Variants in ERBB4 observed in about 807,000 individuals in gnomAD.
ERBB4 encodes the protein erb-b2 receptor tyrosine kinase 4.
Under a neutral mutation model 158.0 loss-of-function variants are expected in ERBB4, and 42 were observed. The observed-to-expected ratio is 0.27, with a 90% CI of 0.21 to 0.34. The LOEUF (loss-of-function observed/expected upper bound fraction) is 0.34. Ranked by LOEUF, ERBB4 falls within the 10% of genes least tolerant of loss-of-function variation. The probability of loss-of-function intolerance (pLI) is 1.00; values close to 1 mark genes in which losing one functional copy is unlikely to be tolerated. For missense variants in ERBB4, 1,333 were observed against 1,624.1 expected, an observed-to-expected ratio of 0.82 and a Z score of 3.08; for synonymous variants, 583 against 558.7, an observed-to-expected ratio of 1.04 and a Z score of -0.61.
At chr2:212,391,446 T>G (rs2090851293) in intron 1 of ERBB4, among the ~76,000 whole-genome samples, 1 of 150,852 alleles carries the variant, frequency 6.6e-6, no homozygotes, top group African/African-American at 2.4e-5. Context: ...AAATAAATTA[T>G]GTTCTCTCAT....
At chr2:212,090,088 C>A (rs1391016811) in intron 2 of ERBB4, among the ~76,000 whole-genome samples, 1 of 152,112 alleles carries the variant, frequency 6.6e-6, no homozygotes, top group African/African-American at 2.4e-5. Flanking sequence ...CTATCAGAAA[C>A]CTGCATGGAG....
intron 2 of ERBB4, among the ~76,000 whole-genome samples, chr2:212,096,153 T>C (rs1399827060): frequency 6.6e-6 from 1 of 152,038 alleles, no homozygotes; most frequent in Non-Finnish European, 1.5e-5. Flanking sequence ...AGAGTTGTGC[T>C]TCACAGAGAA....
intron 3 of ERBB4, among the ~76,000 whole-genome samples, chr2:211,883,959 T>A (rs1159922253): frequency 6.6e-6 from 1 of 152,206 alleles, no homozygotes; most frequent in Non-Finnish European, 1.5e-5. Flanking sequence ...GTGAGGCCAC[T>A]AATTCAAATT....
chr2:212,378,928 G>T (rs986120570), intron 1 of ERBB4, among the ~76,000 whole-genome samples: 2 of 151,616 alleles, frequency 1.3e-5, no homozygotes, highest in Non-Finnish European at 3.0e-5. Context: ...TTTAGGTGAG[G>T]TTCTAAAATA....
rs2072230473 is a variant in ERBB4, at chr2:211,679,081, G to T, written c.1593C>A (p.Ile531=). The part of the protein sequence containing the change: ...LSCRRFSRGR[I]CIESCNLYDG... ...CATAGAGGTTACAAGACTCTATGCA[G>T]ATCCTTCCTCTACTGAAGCGGCGAC... Residue 531 remains isoleucine (I), a synonymous_variant, in exon 13 of 28, where the codon ATC becomes ATA. Coordinates refer to ENST00000342788, the MANE Select transcript of ERBB4 (RefSeq NM_005235.3). 6.2e-7 allele frequency: 1 copy of T among 1,611,728 alleles called. No homozygotes were observed. The highest frequency in any genetic ancestry group is 8.5e-7 in the Non-Finnish European group (1 of 1,178,876).
intron 1 of ERBB4, among the ~76,000 whole-genome samples, chr2:212,191,949 TTA>T (rs567761126): frequency 0.011 from 1,498 of 139,662 alleles, 14 homozygotes; most frequent in African/African-American, 0.036. Flanking sequence ...GATGCATATG[TTA>T]TATATGTTAT....
At chr2:211,533,569 A>G (rs977995095) in intron 20 of ERBB4, among the ~76,000 whole-genome samples, 1 of 152,094 alleles carries the variant, frequency 6.6e-6, no homozygotes, top group Non-Finnish European at 1.5e-5. Flanking sequence ...ATCCAAATAT[A>G]CAATCTTCTG....
intron 3 of ERBB4, among the ~76,000 whole-genome samples, chr2:211,807,601 C>A (rs1348529350): frequency 1.3e-5 from 2 of 152,302 alleles, no homozygotes; most frequent in East Asian, 3.9e-4. Flanking sequence ...CCACAATAAA[C>A]ATATATGTGC....
chr2:211,462,607 G>A (rs978109260), intron 20 of ERBB4, among the ~76,000 whole-genome samples: 14 of 152,094 alleles, frequency 9.2e-5, no homozygotes, highest in African/African-American at 3.1e-4. Context: ...ACTCAAAAGA[G>A]ACTGTTCATT....
intron 2 of ERBB4, among the ~76,000 whole-genome samples, chr2:212,043,672 A>G (rs2077192250): frequency 6.6e-6 from 1 of 152,158 alleles, no homozygotes; most frequent in South Asian, 2.1e-4. Context: ...GTTTGCTAGT[A>G]TACATGTTAA....
chr2:212,173,314 T>C (rs2125676086), intron 1 of ERBB4, among the ~76,000 whole-genome samples: 1 of 152,248 alleles, frequency 6.6e-6, no homozygotes, highest in East Asian at 1.9e-4. Context: ...TACAGGTGAC[T>C]ACTCTGAAAA....
intron 1 of ERBB4, among the ~76,000 whole-genome samples, chr2:212,407,783 T>G (rs2091389403): frequency 6.6e-6 from 1 of 152,094 alleles, no homozygotes; most frequent in South Asian, 2.1e-4. Flanking sequence ...TCTTTTCCAC[T>G]GACATATTAT....
chr2:212,058,771 G>A (rs1559410360), intron 2 of ERBB4, among the ~76,000 whole-genome samples: 1 of 152,110 alleles, frequency 6.6e-6, no homozygotes, highest in African/African-American at 2.4e-5. Flanking sequence ...CAATAAATTA[G>A]GTATTGATGG....
At chr2:211,397,060 G>A (rs116364052) in intron 25 of ERBB4, among the ~76,000 whole-genome samples, 1 of 152,106 alleles carries the variant, frequency 6.6e-6, no homozygotes, top group African/African-American at 2.4e-5. Flanking sequence ...AGTTACATTT[G>A]ACAGAAACAG....
intron 3 of ERBB4, among the ~76,000 whole-genome samples, chr2:211,792,000 T>G (rs1575154707): frequency 6.6e-6 from 1 of 151,700 alleles, no homozygotes; most frequent in Non-Finnish European, 1.5e-5. Flanking sequence ...CTAAGCCCCA[T>G]GAAGGTAAGA....
intron 1 of ERBB4, among the ~76,000 whole-genome samples, chr2:212,155,564 T>G (rs1199834519): frequency 6.6e-6 from 1 of 152,068 alleles, no homozygotes; most frequent in Admixed American, 6.6e-5. Context: ...TAACAAGTTC[T>G]CCAAATAATT....
intron 23 of ERBB4, 73 bp from the exon 24 acceptor site, chr2:211,422,177 A>C: frequency 1.0e-6 from 1 of 1,000,832 alleles, no homozygotes; most frequent in East Asian, 2.5e-5. Flanking sequence ...TTTTGTGAAA[A>C]TATGAGCAAA....
intron 2 of ERBB4, among the ~76,000 whole-genome samples, chr2:211,957,404 A>T (rs1159673337): frequency 6.6e-6 from 1 of 152,056 alleles, no homozygotes. Flanking sequence ...CCTTGATCTC[A>T]TACTTCCAGC....
intron 2 of ERBB4, among the ~76,000 whole-genome samples, chr2:211,968,623 G>T (rs186395031): frequency 6.6e-6 from 1 of 152,008 alleles, no homozygotes; most frequent in Non-Finnish European, 1.5e-5. Flanking sequence ...ACTGAAAATT[G>T]CAAAGCATAA....
Sources: gnomAD v4.1 joint callset for allele counts (sites outside exome capture counted in the v4.1 genomes callset) on GRCh38, gnomAD v4.1.1 for gene constraint, MANE v1.5 for transcripts, NCBI Gene and HGNC (gene_info 2026-07-23, HGNC 2026-07-21) for gene names.